Variants in SMPDL3B observed in about 807,000 individuals in gnomAD.
SMPDL3B encodes the protein sphingomyelin phosphodiesterase acid like 3B, also known as acid sphingomyelinase-like phosphodiesterase 3b.
A neutral mutation model predicts 37.9 loss-of-function variants in SMPDL3B; 31 were observed. That is an observed-to-expected ratio of 0.82 (90% CI 0.61 to 1.10). SMPDL3B has a LOEUF of 1.10. SMPDL3B is among the 50% of genes least tolerant of loss of function. The pLI, the probability that SMPDL3B is intolerant of heterozygous loss-of-function variation, is 0.00. For synonymous variants in SMPDL3B, 235 were observed against 242.6 expected (o/e 0.97, Z 0.29); for missense variants, 525 against 597.8 (o/e 0.88, Z 1.27).
At chr1:27,935,446 G>C (rs1358400917) in intron 1 of SMPDL3B, among the ~76,000 whole-genome samples, 1 of 152,188 alleles carries the variant, frequency 6.6e-6, no homozygotes, top group Non-Finnish European at 1.5e-5. Flanking sequence ...CAGCTGGCCA[G>C]GGAGGGACAC....
At chr1:27,950,987 C>T (rs1010201034) in intron 3 of SMPDL3B, among the ~76,000 whole-genome samples, 5 of 152,112 alleles carry the variant, frequency 3.3e-5, no homozygotes, top group African/African-American at 9.7e-5. Flanking sequence ...TGGTCTTGAA[C>T]TCCTGGGCTC....
In SMPDL3B at chr1:27,953,272, C is replaced by T; in HGVS notation, c.431C>T (p.Pro144Leu). Residue 144 changes from proline to leucine, a missense_variant, in exon 4 of 8, where the codon CCA (proline) becomes CTA (leucine). Coordinates refer to ENST00000373894, the MANE Select transcript of SMPDL3B (RefSeq NM_014474.4). ...GATTTTCACCCCAAAAACCAGTTCC[C>T]AGCTGGAAGTAACAACATCTACAAT... is the stretch of plus-strand genomic sequence containing the variant. ...NHDFHPKNQF[P>L]AGSNNIYNQI... is the part of the protein sequence containing the mutation. 1.9e-6 allele frequency: 3 copies of T among 1,613,734 alleles called. No individual in the cohort carries two copies. The highest frequency in any genetic ancestry group is 1.6e-4 in the Middle Eastern group (1 of 6,062).
At chr1:27,955,638 T>C (rs757636787) in intron 5 of SMPDL3B, 46 bp from the exon 6 acceptor site, 39 of 1,572,796 alleles carry the variant, frequency 2.5e-5, no homozygotes, top group Non-Finnish European at 3.4e-5. Flanking sequence ...AATGAGGGTC[T>C]GGAGAGGGCA....
Position 27,958,527 on chromosome 1 carries a change from C to A in SMPDL3B, c.1057C>A (p.Pro353Thr). The A allele has an allele frequency of 6.2e-7, 1 of 1,613,702 alleles. No individual in the cohort carries two copies. The highest frequency in any genetic ancestry group is 8.5e-7 in the Non-Finnish European group (1 of 1,179,792). Residue 353 changes from proline to threonine, a missense_variant, in exon 8 of 8, where the codon CCG (proline) becomes ACG (threonine). Pro to Thr is a conservative substitution (Grantham distance 38). Transcript: ENST00000373894. The surrounding 1 kb of genome is among the most constrained non-coding windows in gnomAD (Gnocchi z 5.6). ...GAGCCAGGCGAATGCTCAGGGGACG[C>A]CGCGCTGGGAGCTCGAGTACCAGCT... is the stretch of plus-strand genomic sequence containing the variant. ...NLSQANAQGT[P>T]RWELEYQLTE...
intron 1 of SMPDL3B, chr1:27,939,206 CT>C (rs1346765859): frequency 7.9e-5 from 12 of 152,208 alleles, no homozygotes; most frequent in Non-Finnish European, 1.3e-4. Flanking sequence ...TCCTGCCCCC[CT>C]GTCTCCAACC....
chr1:27,937,518 T>C (rs557593420), intron 1 of SMPDL3B, among the ~76,000 whole-genome samples: 254 of 152,300 alleles, frequency 1.7e-3, no homozygotes, highest in African/African-American at 5.7e-3. Context: ...TACAATTGTG[T>C]TTTGGGGCTA....
chr1:27,949,187 C>T (rs764557175), intron 3 of SMPDL3B, 25 bp downstream of exon 3: 1 of 1,612,958 alleles, frequency 6.2e-7, no homozygotes, highest in Non-Finnish European at 8.5e-7. Flanking sequence ...TCAGTCCCTC[C>T]ACAGTGTTCT....
intron 3 of SMPDL3B, 104 bp downstream of exon 3, chr1:27,949,266 C>A: frequency 8.3e-7 from 1 of 1,207,538 alleles, no homozygotes; most frequent in Non-Finnish European, 1.2e-6. Flanking sequence ...GACCTTCATC[C>A]ATGGACAGCG....
chr1:27,954,649 G>A lies in SMPDL3B; in HGVS notation c.690+123G>A, dbSNP rs76812822. 1.9e-4 allele frequency: 163 copies of A among 878,294 alleles called. 1 individual carries two copies. In the African/African-American group the frequency reaches 2.3e-3, roughly 12 times the overall value. The allele number at this position is 878,294 out of a possible 1,614,324, so 54.4% of individuals were successfully genotyped here. ...ATCCCAGAGGGTCCTTTATCAGCCC[G>A]GCACCAGCAGAGGGCTTCCTCCATC... On this transcript the variant is annotated intron_variant, in intron 5 of 7. Coordinates refer to ENST00000373894, the MANE Select transcript of SMPDL3B (RefSeq NM_014474.4).
At chr1:27,937,309 C>T (rs1218531009) in intron 1 of SMPDL3B, among the ~76,000 whole-genome samples, 1 of 152,210 alleles carries the variant, frequency 6.6e-6, no homozygotes, top group Non-Finnish European at 1.5e-5. Flanking sequence ...AGGTTCTTCC[C>T]CTGTGGGTTA....
chr1:27,935,325 T>A (rs1029488585), intron 1 of SMPDL3B, 81 bp downstream of exon 1: 63 of 1,071,580 alleles, frequency 5.9e-5, no homozygotes, highest in Non-Finnish European at 8.5e-5. Context: ...GCAGCCAGCT[T>A]GAAGGTGCTT....
At position 27,955,993 on chromosome 1, in the gene SMPDL3B, T is replaced by C. The variant is rs781102002; in HGVS notation, c.916T>C (p.Trp306Arg). The C allele has an allele frequency of 5.6e-6, 9 of 1,613,886 alleles. No individual in the cohort carries two copies. The Admixed American group carries it at 1.5e-4, about 27-fold the overall frequency. The change falls in exon 7 of 8, where the codon TGG (tryptophan) becomes CGG (arginine). Residue 306 changes from tryptophan (W) to arginine (R), a missense_variant. Transcript: ENST00000373894. ...AMFITPGVTP[W>R]KTTLPGVVNG... ...GTTCATCACACCTGGAGTCACCCCA[T>C]GGAAAACCACATTACCTGGAGTGGT...
Position 27,959,026 on chromosome 1 carries a change from C to A in SMPDL3B, c.*188C>A. 1.6e-6 allele frequency: 1 copy of A among 636,846 alleles called. No homozygotes were observed. Among genetic ancestry groups the A allele is most frequent in the Non-Finnish European group, 2.6e-6 (1 of 380,334 alleles). The allele number at this position is 636,846 out of a possible 1,614,324, so 39.4% of individuals were successfully genotyped here. A position where few individuals can be genotyped will look rare whatever the true frequency, so the allele number is the denominator to read the frequency against. ...CGCCACTGCACTCCAGCCTGGGTGA[C>A]AAAGCCAGACTCTCTCCAAAAACAA... On this transcript the variant is annotated 3_prime_UTR_variant, in exon 8 of 8. Coordinates refer to ENST00000373894, the MANE Select transcript of SMPDL3B (RefSeq NM_014474.4).
chr1:27,943,077 A>G (rs1383256720), intron 1 of SMPDL3B, among the ~76,000 whole-genome samples: 1 of 152,242 alleles, frequency 6.6e-6, no homozygotes, highest in Admixed American at 6.5e-5. Flanking sequence ...GCTGTCAACA[A>G]AAAGACCCAT....
intron 1 of SMPDL3B, among the ~76,000 whole-genome samples, chr1:27,943,717 G>A (rs2090379136): frequency 6.6e-6 from 1 of 152,140 alleles, no homozygotes; most frequent in Admixed American, 6.5e-5. Flanking sequence ...AACTTGTGCT[G>A]GCCAGGTGCG....
rs763693269 is a variant in SMPDL3B at position 27,945,313 on chromosome 1, C to T, written c.143C>T (p.Ala48Val). 6.2e-6 allele frequency: 10 copies of T among 1,614,106 alleles called. No individual in the cohort carries two copies. Among genetic ancestry groups the T allele is most frequent in the Non-Finnish European group, 8.5e-6 (10 of 1,180,050 alleles). Residue 48 changes from alanine (A) to valine (V), a missense_variant, in exon 2 of 8, where the codon GCT (alanine) becomes GTT (valine). Ala to Val is a moderately conservative substitution (Grantham distance 64, BLOSUM62 0). Transcript: ENST00000373894. This position sits in a 1 kb window ranked among gnomAD's most constrained non-coding sequence, Gnocchi z 4.0. The stretch of plus-strand genomic sequence containing the variant: ...GACCCCTTCCAGGTGTGCCCATCAG[C>T]TGGATCCCAGCCAGTGCCCGACGCA... The part of the protein sequence containing the change: ...SKDPFQVCPS[A>V]GSQPVPDAGP...
intron 3 of SMPDL3B, 61 bp downstream of exon 3, chr1:27,949,223 A>G: frequency 6.5e-7 from 1 of 1,549,274 alleles, no homozygotes; most frequent in South Asian, 1.1e-5. Context: ...TGCCTGGCAC[A>G]GTGGGACAAC....
At chr1:27,940,307 A>G (rs1162742731) in intron 1 of SMPDL3B, among the ~76,000 whole-genome samples, 2 of 152,156 alleles carry the variant, frequency 1.3e-5, no homozygotes, top group African/African-American at 4.8e-5. Context: ...TTACCTGTGG[A>G]CAGTAGCCAA....
At position 27,937,023 on chromosome 1, in the gene SMPDL3B, A is replaced by AAAACAAAC. The variant is rs57607983; in HGVS notation, c.61+1794_61+1801dup. 2.2e-4 allele frequency among the ~76,000 whole-genome samples: 33 copies of AAAACAAAC among 151,282 alleles called. No individual in the cohort carries two copies. The South Asian group carries it at 3.6e-3, about 16-fold the overall frequency. ...GCGACAGAGTGAGGCTCCGTCTCAA[A>AAAACAAAC]AAACAAACAAACAAACAAACAACAA... On this transcript the variant is annotated intron_variant, in intron 1 of 7. Coordinates refer to ENST00000373894, the MANE Select transcript of SMPDL3B (RefSeq NM_014474.4).
Sources: gnomAD v4.1 joint callset for allele counts (sites outside exome capture counted in the v4.1 genomes callset) on GRCh38, gnomAD v4.1.1 for gene constraint, Gnocchi (gnomAD v3.1) non-coding constraint, MANE v1.5 for transcripts, NCBI Gene and HGNC (gene_info 2026-07-23, HGNC 2026-07-21) for gene names.